CNOT3: variants seen among roughly 807,000 people sequenced by gnomAD.
CNOT3 encodes the protein CCR4-NOT transcription complex subunit 3.
In CNOT3, 2 loss-of-function variants were observed where a neutral mutation model predicts 89.4. That is an observed-to-expected ratio of 0.02 (90% confidence interval 0.01 to 0.07). The LOEUF is 0.07. Ranked by LOEUF, CNOT3 falls within the 10% of genes least tolerant of loss-of-function variation. The pLI is 1.00. For synonymous variants in CNOT3, 486 were observed against 402.0 expected (o/e 1.21, Z -2.50); for missense variants, 664 against 1,010.2 (o/e 0.66, Z 4.65).
At position 54,145,370 on chromosome 19, in the gene CNOT3, A is replaced by G. The variant is rs182401992; in HGVS notation, c.484-228A>G. Among the ~76,000 whole-genome samples, 1 of 152,088 alleles carries G rather than the reference A, an allele frequency of 6.6e-6. No individual in the cohort carries two copies. On this transcript the variant is annotated intron_variant, in intron 7 of 17. Transcript: ENST00000221232. The surrounding 1 kb of genome is among the most constrained non-coding windows in gnomAD (Gnocchi z 5.9). Reference sequence around the variant, plus strand: ...TTTCCAAGGACTCCTGGAGCCAGAAAGGTGTGGGGAGAGGAGGGAGCAGTG... The same window carrying G: ...TTTCCAAGGACTCCTGGAGCCAGAAGGGTGTGGGGAGAGGAGGGAGCAGTG...
intron 1 of CNOT3, among the ~76,000 whole-genome samples, chr19:54,140,623 C>T (rs2074411010): frequency 6.6e-6 from 1 of 152,162 alleles, no homozygotes; most frequent in East Asian, 1.9e-4. Context: ...AAGGCTCCAG[C>T]CTCTCTAGGG....
Position 54,148,750 on chromosome 19 carries a change from G to A in CNOT3, c.1406+7G>A, listed in dbSNP as rs2074851259. 2.5e-6 allele frequency: 4 copies of A among 1,610,378 alleles called. No homozygotes were observed. Among genetic ancestry groups the A allele is most frequent in the Non-Finnish European group, 3.4e-6 (4 of 1,178,702 alleles). ...ACCCACCTCCCAGCACCTCGTGAGT[G>A]TCTCGGCCATCGGCAGGGTTGGGAT... On this transcript the variant is annotated splice_region_variant and intron_variant, in intron 12 of 17. Transcript: ENST00000221232. The surrounding 1 kb of genome is among the most constrained non-coding windows in gnomAD (Gnocchi z 6.3).
chr19:54,152,595 A>G lies in CNOT3; in HGVS notation c.1873A>G (p.Met625Val). 6.2e-7 allele frequency: 1 copy of G among 1,613,668 alleles called. No homozygotes were observed. The highest frequency in any genetic ancestry group is 1.3e-5 in the African/African-American group (1 of 75,052). ...QAMEEAAWHH[M>V]PHPSDSERIR... ...CATGGAAGAGGCCGCCTGGCACCAC[A>G]TGCCTCACCCCTCTGACTCTGAGCG... Residue 625 changes from methionine (M) to valine (V), a missense_variant, in exon 15 of 18, where the codon ATG becomes GTG. Physicochemically the swap from Met to Val is conservative, Grantham distance 21 (BLOSUM62 1). Transcript: ENST00000221232.
At chr19:54,154,107 G>A in intron 17 of CNOT3, 2 of 674,368 alleles carry the variant, frequency 3.0e-6, no homozygotes, top group South Asian at 1.5e-5. Context: ...ACCCAGCCCA[G>A]TGCCTCCCCT....
Position 54,141,111 on chromosome 19 carries a change from C to T in CNOT3, c.-50-1818C>T, listed in dbSNP as rs139219263. On this transcript the variant is annotated intron_variant, in intron 1 of 17. Coordinates refer to ENST00000221232, the MANE Select transcript of CNOT3 (RefSeq NM_014516.4). ...GGACTTTGGTGAGGATCCCTGCACA[C>T]CTGAGCTCTGGTGTCCAGGCCCTTG... 6.9e-3 allele frequency among the ~76,000 whole-genome samples: 1,048 copies of T among 152,304 alleles called. 10 individuals carry two copies. The highest frequency in any genetic ancestry group is 0.024 in the African/African-American group (979 of 41,550).
intron 10 of CNOT3, 63 bp downstream of exon 10, chr19:54,146,720 C>T (rs1210291653): frequency 1.9e-5 from 17 of 905,580 alleles, no homozygotes; most frequent in Non-Finnish European, 2.6e-5. Flanking sequence ...CCAAAGGCAT[C>T]TTGAGGCCTG....
chr19:54,148,125 C>T lies in CNOT3; in HGVS notation c.895-23C>T. 6.9e-7 allele frequency: 1 copy of T among 1,456,616 alleles called. No homozygotes were observed. Among genetic ancestry groups the T allele is most frequent in the East Asian group, 2.6e-5 (1 of 38,250 alleles). 90.2% of individuals were successfully genotyped at this position (1,456,616 alleles called of 1,614,324 possible). A position where few individuals can be genotyped will look rare whatever the true frequency, so the allele number is the denominator to read the frequency against. On this transcript the variant is annotated intron_variant, in intron 10 of 17. Coordinates refer to ENST00000221232, the MANE Select transcript of CNOT3 (RefSeq NM_014516.4). The surrounding 1 kb of genome is among the most constrained non-coding windows in gnomAD (Gnocchi z 6.3). ...ACCAGCTGGCCCACTGGGTCCTGAC[C>T]CTCTGCTCTCTCCCACCCGCAGTCT...
intron 13 of CNOT3, among the ~76,000 whole-genome samples, chr19:54,150,905 C>T (rs1330527656): frequency 6.6e-6 from 1 of 152,066 alleles, no homozygotes; most frequent in Admixed American, 6.5e-5. Context: ...ATTCTCCTGC[C>T]GCAGCCTACT....
At chr19:54,146,925 T>A (rs1296869539) in intron 10 of CNOT3, among the ~76,000 whole-genome samples, 5 of 152,022 alleles carry the variant, frequency 3.3e-5, no homozygotes, top group African/African-American at 1.2e-4. Flanking sequence ...GTCAGGTGAG[T>A]TTGCCTGGCA....
Position 54,155,172 on chromosome 19 carries a change from A to T in CNOT3, c.2164-137A>T, listed in dbSNP as rs541572894. ...GAAGAACCTTGTGAGGATGGATGAGAGTGTGTGCGTGCAGGGCAGCTGGCC... is the reference window on the plus strand; with the variant it reads ...GAAGAACCTTGTGAGGATGGATGAGTGTGTGTGCGTGCAGGGCAGCTGGCC... On this transcript the variant is annotated intron_variant, in intron 17 of 17. Coordinates refer to ENST00000221232, the MANE Select transcript of CNOT3 (RefSeq NM_014516.4). 1.3e-3 allele frequency: 1,151 copies of T among 891,650 alleles called. 12 individuals carry two copies. Among genetic ancestry groups the T allele is most frequent in the Admixed American group, 1.4e-3 (61 of 42,350 alleles). The allele number at this position is 891,650 out of a possible 1,614,324, so 55.2% of individuals were successfully genotyped here. A position where few individuals can be genotyped will look rare whatever the true frequency, so the allele number is the denominator to read the frequency against.
intron 17 of CNOT3, 163 bp from the exon 18 acceptor site, chr19:54,155,146 A>G (rs2146819634): frequency 1.4e-6 from 1 of 714,532 alleles, no homozygotes; most frequent in Non-Finnish European, 2.2e-6. Flanking sequence ...TTCCTACCCA[A>G]GAAGAACCTT....
At position 54,137,879 on chromosome 19, in the gene CNOT3, G is replaced by C. The variant is rs1465043289; in HGVS notation, c.-165G>C. ...GGCCCACTCCCCCAACCCCACTTCC[G>C]CTTCGCGCCGCTATCGCGATAGCGC... On this transcript the variant is annotated 5_prime_UTR_variant, in exon 1 of 18. Transcript: ENST00000221232. The C allele has an allele frequency of 6.6e-6, 1 of 151,812 alleles. No individual in the cohort carries two copies. Among genetic ancestry groups the C allele is most frequent in the Non-Finnish European group, 1.5e-5 (1 of 67,886 alleles). The allele number at this position is 151,812 out of a possible 1,614,324, so 9.4% of individuals were successfully genotyped here.
At chr19:54,142,859 T>A in intron 1 of CNOT3, 70 bp from the exon 2 acceptor site, 1 of 971,926 alleles carries the variant, frequency 1.0e-6, no homozygotes, top group East Asian at 2.4e-5. Context: ...CTATGCTGAC[T>A]AGGTCCATGT....
At chr19:54,153,048 A>G (rs778464087) in intron 16 of CNOT3, 49 bp downstream of exon 16, 3 of 1,564,120 alleles carry the variant, frequency 1.9e-6, no homozygotes, top group Admixed American at 3.6e-5. Flanking sequence ...CTTCGCCGCC[A>G]CCGCCGCCGT....
chr19:54,152,929 A>G lies in CNOT3; in HGVS notation c.1967A>G (p.His656Arg), dbSNP rs1283191122. 6.4e-7 allele frequency: 1 copy of G among 1,553,100 alleles called. No individual in the cohort carries two copies. The change falls in exon 16 of 18, where the codon CAC becomes CGC. Residue 656 changes from histidine (H) to arginine (R), a missense_variant. Physicochemically the swap from His to Arg is conservative, Grantham distance 29. Transcript: ENST00000221232. ...TACCACCACCAGATGCCACCCCCAC[A>G]CTCGGACACTGTGGAATTCTACCAG... is the stretch of plus-strand genomic sequence containing the variant. ...PPYHHQMPPPHSDTVEFYQRL... is the reference protein window; with the variant it reads ...PPYHHQMPPPRSDTVEFYQRL...
intron 1 of CNOT3, chr19:54,141,383 T>C (rs2074442061): frequency 6.6e-6 from 1 of 152,216 alleles, no homozygotes; most frequent in South Asian, 2.1e-4. Context: ...AATGGGTCCC[T>C]GCGGTGTTGG....
chr19:54,153,393 A>T (rs1285294540), intron 16 of CNOT3: 1 of 767,146 alleles, frequency 1.3e-6, no homozygotes, highest in East Asian at 2.5e-5. Context: ...TCCCAACCCC[A>T]GTGAGTCATG....
At position 54,152,279 on chromosome 19, in the gene CNOT3, C is replaced by T; in HGVS notation, c.1659C>T (p.Ser553=). The stretch of plus-strand genomic sequence containing the variant: ...CCATGGCGGAACGGGCAGCCATCAG[C>T]TCTGGCATTGAGGACCCTGTGCCAA... The part of the protein sequence containing the change: ...LKSMAERAAI[S]SGIEDPVPTL... The change falls in exon 14 of 18, where the codon AGC becomes AGT. Residue 553 remains serine (S), a synonymous_variant. Transcript: ENST00000221232. 1 of 1,614,164 alleles carries T rather than the reference C, an allele frequency of 6.2e-7. No homozygotes were observed. The highest frequency in any genetic ancestry group is 8.5e-7 in the Non-Finnish European group (1 of 1,180,020).
At position 54,155,000 on chromosome 19, in the gene CNOT3, C is replaced by G. The variant is rs1240714624; in HGVS notation, c.2164-309C>G. 3.5e-5 allele frequency: 16 copies of G among 460,142 alleles called. No homozygotes were observed. In the Admixed American group the frequency reaches 4.7e-4, roughly 14 times the overall value. The allele number at this position is 460,142 out of a possible 1,614,324, so 28.5% of individuals were successfully genotyped here. A position where few individuals can be genotyped will look rare whatever the true frequency, so the allele number is the denominator to read the frequency against. On this transcript the variant is annotated intron_variant, in intron 17 of 17. Transcript: ENST00000221232. ...GCATCCTGTACTCACGTGAGAGGTG[C>G]TCAAAAGCCACAGCCCTCGAGGAAA...
Sources: allele counts gnomAD v4.1 joint callset (sites outside exome capture counted in the v4.1 genomes callset), GRCh38; gene constraint gnomAD v4.1.1; non-coding constraint Gnocchi (gnomAD v3.1); transcripts MANE v1.5; gene names NCBI Gene and HGNC (gene_info 2026-07-23, HGNC 2026-07-21).